The following ELAVL4 variants were observed in gnomAD, a reference collection of about 807,000 sequenced individuals.
The protein encoded by ELAVL4 is ELAV like RNA binding protein 4, also known as ELAV-like protein 4.
ELAVL4 carries 1 observed loss-of-function variant against 35.6 expected under a neutral mutation model. That is an observed-to-expected ratio of 0.03 (90% CI 0.01 to 0.13). ELAVL4 has a LOEUF of 0.13. ELAVL4 is among the 10% of genes least tolerant of loss of function. ELAVL4 has a pLI of 1.00. For synonymous variants in ELAVL4, 156 were observed against 171.0 expected, an observed-to-expected ratio of 0.91 and a Z score of 0.69; for missense variants, 267 against 464.9, an observed-to-expected ratio of 0.57 and a Z score of 3.91.
Position 50,079,102 on chromosome 1 carries a change from A to G in ELAVL4, c.18+30920A>G, listed in dbSNP as rs182084253. Reference sequence around the variant, plus strand: ...AACTTTTAATTTGTAATTATTTATTATTATTTTTTAGATGGGGTCTTGCTT... The same window carrying G: ...AACTTTTAATTTGTAATTATTTATTGTTATTTTTTAGATGGGGTCTTGCTT... On this transcript the variant is annotated intron_variant, in intron 1 of 6. Transcript: ENST00000448907. Among the ~76,000 whole-genome samples, 39 of 152,148 alleles carry G rather than the reference A, an allele frequency of 2.6e-4. 1 individual carries two copies. The highest frequency in any genetic ancestry group is 7.7e-4 in the African/African-American group (32 of 41,508).
intron 2 of ELAVL4, among the ~76,000 whole-genome samples, chr1:50,153,324 T>G (rs1675128572): frequency 6.6e-6 from 1 of 152,232 alleles, no homozygotes. Context: ...TCAGCTACAG[T>G]GCTAGGCATA....
intron 3 of ELAVL4, among the ~76,000 whole-genome samples, chr1:50,191,784 T>TA (rs924933387): frequency 2.6e-5 from 4 of 152,052 alleles, no homozygotes; most frequent in African/African-American, 7.2e-5. Context: ...GAAGTAGGTA[T>TA]AAAAAAAATG....
At chr1:50,071,627 G>A (rs1034720531) in intron 1 of ELAVL4, among the ~76,000 whole-genome samples, 1 of 152,194 alleles carries the variant, frequency 6.6e-6, no homozygotes, top group African/African-American at 2.4e-5. Context: ...GCTAAGGTAA[G>A]ATGGAAAGAA....
chr1:50,200,686 G>C (rs1644347881), intron 6 of ELAVL4, 165 bp from the exon 7 acceptor site: 2 of 1,376,902 alleles, frequency 1.5e-6, no homozygotes, highest in Admixed American at 4.7e-5. Context: ...CCCATCAGAG[G>C]AAATGACATA....
intron 1 of ELAVL4, among the ~76,000 whole-genome samples, chr1:50,138,287 A>G (rs1178474816): frequency 6.6e-6 from 1 of 152,168 alleles, no homozygotes; most frequent in African/African-American, 2.4e-5. Flanking sequence ...ACAATTTGGG[A>G]ACTTTCAATC....
chr1:50,078,937 A>G (rs1664883427), intron 1 of ELAVL4, among the ~76,000 whole-genome samples: 1 of 151,938 alleles, frequency 6.6e-6, no homozygotes, highest in Non-Finnish European at 1.5e-5. Flanking sequence ...TCATTTTTCC[A>G]TCTCCTACCT....
intron 1 of ELAVL4, among the ~76,000 whole-genome samples, chr1:50,086,223 T>C (rs1483316805): frequency 6.6e-6 from 1 of 152,110 alleles, no homozygotes; most frequent in Non-Finnish European, 1.5e-5. Flanking sequence ...GAGTCCAAGA[T>C]TGGCTAATGG....
chr1:50,140,825 C>T (rs1210831970), intron 1 of ELAVL4, among the ~76,000 whole-genome samples: 1 of 152,128 alleles, frequency 6.6e-6, no homozygotes. Flanking sequence ...AAAGAGAGCT[C>T]CATCTACATT....
At chr1:50,062,266 T>C (rs887651386) in intron 1 of ELAVL4, among the ~76,000 whole-genome samples, 3 of 152,160 alleles carry the variant, frequency 2.0e-5, no homozygotes, top group Admixed American at 6.5e-5. Context: ...CTAAATGCAA[T>C]GATGAGATAT....
intron 4 of ELAVL4, among the ~76,000 whole-genome samples, chr1:50,194,381 T>C (rs1683121084): frequency 6.6e-6 from 1 of 152,198 alleles, no homozygotes; most frequent in African/African-American, 2.4e-5. Context: ...AGCTAGTTAG[T>C]AGCAGTACAA....
At chr1:50,194,387 T>C (rs536683108) in intron 4 of ELAVL4, among the ~76,000 whole-genome samples, 51 of 152,344 alleles carry the variant, frequency 3.3e-4, no homozygotes, top group African/African-American at 1.2e-3. Context: ...TTAGTAGCAG[T>C]ACAAGGATCT....
At chr1:50,069,383 T>C (rs1248942141) in intron 1 of ELAVL4, among the ~76,000 whole-genome samples, 1 of 152,212 alleles carries the variant, frequency 6.6e-6, no homozygotes, top group Admixed American at 6.5e-5. Flanking sequence ...TCTGGTTGAG[T>C]CTTGTCTCCC....
chr1:50,058,202 A>G (rs540338589), intron 1 of ELAVL4, among the ~76,000 whole-genome samples: 1 of 152,324 alleles, frequency 6.6e-6, no homozygotes, highest in East Asian at 1.9e-4. Flanking sequence ...TTTTATAGAT[A>G]AATGATGTTC....
intron 1 of ELAVL4, among the ~76,000 whole-genome samples, chr1:50,094,948 A>AT (rs1451338779): frequency 6.6e-6 from 1 of 151,912 alleles, no homozygotes; most frequent in Non-Finnish European, 1.5e-5. Flanking sequence ...AAAAATAATA[A>AT]TAAAAAAAAT....
chr1:50,164,229 AG>A (rs1015607255), intron 2 of ELAVL4, among the ~76,000 whole-genome samples: 2 of 152,228 alleles, frequency 1.3e-5, no homozygotes, highest in Non-Finnish European at 2.9e-5. Flanking sequence ...AATATAATTT[AG>A]AACCTTTAAA....
At chr1:50,143,394 T>C (rs1191171443) in intron 1 of ELAVL4, among the ~76,000 whole-genome samples, 1 of 152,220 alleles carries the variant, frequency 6.6e-6, no homozygotes, top group African/African-American at 2.4e-5. Context: ...TAGAATATGC[T>C]TCATTGCCTT....
upstream of ELAVL4, among the ~76,000 whole-genome samples, chr1:50,099,395 T>C (rs1665859890): frequency 6.6e-6 from 1 of 151,908 alleles, no homozygotes; most frequent in Non-Finnish European, 1.5e-5. Flanking sequence ...ATCCTGTCTC[T>C]ATTAAAAATA....
intron 1 of ELAVL4, among the ~76,000 whole-genome samples, chr1:50,070,135 T>C (rs780517291): frequency 1.3e-5 from 2 of 152,218 alleles, no homozygotes; most frequent in Non-Finnish European, 2.9e-5. Flanking sequence ...TTCTTGACAC[T>C]GTTAATGGTG....
intron 2 of ELAVL4, among the ~76,000 whole-genome samples, chr1:50,160,232 T>C (rs559999028): frequency 2.2e-4 from 34 of 152,284 alleles, no homozygotes; most frequent in Non-Finnish European, 4.4e-4. Context: ...CATTCTTGCT[T>C]TGTGTAGCCA....
Sources: allele counts gnomAD v4.1 joint callset (sites outside exome capture counted in the v4.1 genomes callset), GRCh38; gene constraint gnomAD v4.1.1; transcripts MANE v1.5; gene names NCBI Gene and HGNC (gene_info 2026-07-23, HGNC 2026-07-21).